SYT16: variants seen among roughly 807,000 people sequenced by gnomAD.
SYT16 encodes the protein synaptotagmin-16.
SYT16 carries 42 observed loss-of-function variants against 61.4 expected under a neutral mutation model. The ratio of observed to expected loss-of-function variants is 0.68; its 90% confidence interval spans 0.53 to 0.89. The LOEUF (loss-of-function observed/expected upper bound fraction) is 0.89, where lower values mean the gene tolerates loss of function less well. Ranked by LOEUF, SYT16 falls within the 40% of genes least tolerant of loss-of-function variation. SYT16 has a pLI of 0.00. For synonymous variants in SYT16, 314 were observed against 302.3 expected (o/e 1.04, Z -0.40); for missense variants, 804 against 807.3 (o/e 1.00, Z 0.05).
At chr14:62,049,994 A>AT (rs2055195193) in intron 3 of SYT16, among the ~76,000 whole-genome samples, 1 of 152,116 alleles carries the variant, frequency 6.6e-6, no homozygotes, top group African/African-American at 2.4e-5. Context: ...CATTCTCTGT[A>AT]TTTCCTGAAT....
chr14:61,964,257 A>G (rs1003243573), intron 1 of SYT16, among the ~76,000 whole-genome samples: 5 of 152,172 alleles, frequency 3.3e-5, no homozygotes, highest in Admixed American at 2.0e-4. Flanking sequence ...CATTGAAAAC[A>G]TTTGGAAAGG....
chr14:61,864,563 G>T (rs969509203), intron 1 of SYT16, among the ~76,000 whole-genome samples: 9 of 152,198 alleles, frequency 5.9e-5, no homozygotes, highest in Non-Finnish European at 1.2e-4. Context: ...ACCAAGTGCT[G>T]CATGGCGAGG....
At chr14:62,088,855 G>A (rs1427227350) in intron 7 of SYT16, among the ~76,000 whole-genome samples, 1 of 151,912 alleles carries the variant, frequency 6.6e-6, no homozygotes, top group Non-Finnish European at 1.5e-5. Flanking sequence ...AATATACTGG[G>A]GAATACAATC....
chr14:61,824,647 C>T (rs929188450), intron 1 of SYT16, among the ~76,000 whole-genome samples: 28 of 152,208 alleles, frequency 1.8e-4, no homozygotes, highest in African/African-American at 5.5e-4. Flanking sequence ...CCACCGTGCC[C>T]GGCTATAATA....
At chr14:61,939,757 A>G (rs1236216860) in intron 1 of SYT16, among the ~76,000 whole-genome samples, 2 of 152,180 alleles carry the variant, frequency 1.3e-5, no homozygotes, top group African/African-American at 4.8e-5. Flanking sequence ...AGTTCAGTCC[A>G]TCACAGTGTC....
intron 1 of SYT16, among the ~76,000 whole-genome samples, chr14:61,848,186 A>G (rs2046500524): frequency 6.6e-6 from 1 of 151,944 alleles, no homozygotes; most frequent in African/African-American, 2.4e-5. Context: ...GCTTTTTTGT[A>G]TTCATTCTTC....
intron 4 of SYT16, among the ~76,000 whole-genome samples, chr14:62,073,244 C>G (rs916966028): frequency 6.6e-6 from 1 of 152,044 alleles, no homozygotes; most frequent in African/African-American, 2.4e-5. Context: ...GGTATTATCA[C>G]CGTAGGAGTT....
rs2057487216 is a variant in SYT16, at chr14:62,104,947, A to G, written c.*4240A>G. 1 of 152,192 alleles carries G rather than the reference A, an allele frequency of 6.6e-6. No homozygotes were observed. The highest frequency in any genetic ancestry group is 1.5e-5 in the Non-Finnish European group (1 of 68,020). 9.4% of individuals were successfully genotyped at this position (152,192 alleles called of 1,614,324 possible). On this transcript the variant is annotated 3_prime_UTR_variant, in exon 8 of 8. Transcript: ENST00000683842. ...TACAGTCATGCCTGAAAAAGAAAAT[A>G]TTTAAGATGTGTCTTCTTTTTCTAG...
chr14:62,078,129 T>TGC (rs1290530233), intron 5 of SYT16, among the ~76,000 whole-genome samples: 2 of 126,076 alleles, frequency 1.6e-5, no homozygotes, highest in African/African-American at 3.5e-5. Flanking sequence ...CTCTCTCTAG[T>TGC]GCTCTCTCGC....
chr14:61,914,785 A>C (rs1314009251), intron 1 of SYT16, among the ~76,000 whole-genome samples: 1 of 152,148 alleles, frequency 6.6e-6, no homozygotes, highest in East Asian at 1.9e-4. Context: ...GGAGGCTTCT[A>C]AGTAATTTCC....
chr14:62,076,329 G>A (rs2056494754), intron 5 of SYT16, among the ~76,000 whole-genome samples: 1 of 152,066 alleles, frequency 6.6e-6, no homozygotes, highest in Admixed American at 6.5e-5. Flanking sequence ...TAATTTGCAG[G>A]GATGGGGGAA....
At position 61,996,285 on chromosome 14, in the gene SYT16, A is replaced by G; in HGVS notation, c.266A>G (p.Asp89Gly). Residue 89 changes from aspartate to glycine, a missense_variant, in exon 3 of 8, where the codon GAT becomes GGT. Transcript: ENST00000683842. Reference sequence around the variant, plus strand: ...GCAAATTCCTTGTTTCTTGAAGTGGATCATTTCTCATGTTGTAATAGTGAT... The same window carrying G: ...GCAAATTCCTTGTTTCTTGAAGTGGGTCATTTCTCATGTTGTAATAGTGAT... Reference protein sequence around the residue: ...EDANSLFLEVDHFSCCNSDLQ... With the variant: ...EDANSLFLEVGHFSCCNSDLQ... The G allele has an allele frequency of 6.2e-7, 1 of 1,613,630 alleles. No homozygotes were observed. The highest frequency in any genetic ancestry group is 2.2e-5 in the East Asian group (1 of 44,862).
At chr14:62,046,677 G>A (rs1321907336) in intron 3 of SYT16, among the ~76,000 whole-genome samples, 1 of 152,182 alleles carries the variant, frequency 6.6e-6, no homozygotes, top group Non-Finnish European at 1.5e-5. Context: ...CATATGGTTA[G>A]CCAGTTTTCC....
intron 1 of SYT16, among the ~76,000 whole-genome samples, chr14:61,851,183 A>T (rs1217826670): frequency 2.0e-5 from 3 of 152,118 alleles, no homozygotes; most frequent in Admixed American, 2.0e-4. Context: ...TACCTGCATT[A>T]GTTTGCTGAG....
intron 2 of SYT16, among the ~76,000 whole-genome samples, chr14:61,977,962 T>C (rs1050708500): frequency 6.6e-5 from 10 of 152,156 alleles, no homozygotes; most frequent in African/African-American, 2.4e-4. Flanking sequence ...TTTCATGACT[T>C]GCTCCTTGCT....
intron 3 of SYT16, among the ~76,000 whole-genome samples, chr14:62,030,015 C>T (rs541176926): frequency 5.9e-5 from 9 of 152,232 alleles, no homozygotes; most frequent in African/African-American, 2.2e-4. Flanking sequence ...TGCCAGTTGA[C>T]AGATTTTAAC....
chr14:61,951,882 T>C (rs983107859), intron 1 of SYT16, among the ~76,000 whole-genome samples: 1 of 152,140 alleles, frequency 6.6e-6, no homozygotes, highest in East Asian at 1.9e-4. Context: ...CTCAACCTCC[T>C]AGGCTCAAGT....
chr14:61,850,424 C>T (rs1015227507), intron 1 of SYT16, among the ~76,000 whole-genome samples: 3 of 152,042 alleles, frequency 2.0e-5, no homozygotes, highest in East Asian at 1.9e-4. Context: ...CATGAGCCAC[C>T]GTGCCTGGCC....
intron 7 of SYT16, among the ~76,000 whole-genome samples, chr14:62,100,136 T>C (rs1389110114): frequency 6.6e-6 from 1 of 152,236 alleles, no homozygotes; most frequent in Non-Finnish European, 1.5e-5. Context: ...CCTGTGCATG[T>C]AGAAGTACTA....
Sources: allele counts gnomAD v4.1 joint callset (sites outside exome capture counted in the v4.1 genomes callset), GRCh38; gene constraint gnomAD v4.1.1; transcripts MANE v1.5; gene names NCBI Gene and HGNC (gene_info 2026-07-23, HGNC 2026-07-21).